TNS3: variants seen among roughly 807,000 people sequenced by gnomAD.
TNS3 encodes the protein tensin 3, also known as tensin-3.
In TNS3, 45 loss-of-function variants were observed where a neutral mutation model predicts 140.9. That is an observed-to-expected ratio of 0.32 (90% CI 0.25 to 0.41). The LOEUF (loss-of-function observed/expected upper bound fraction) is 0.41. TNS3 is among the 10% of genes least tolerant of loss of function. The pLI is 1.00. For synonymous variants in TNS3, 815 were observed against 788.4 expected (o/e 1.03, Z -0.56); for missense variants, 1,716 against 1,906.7 (o/e 0.90, Z 1.86).
chr7:47,396,522 C>T, intron 16 of TNS3: 2 of 453,306 alleles, frequency 4.4e-6, no homozygotes, highest in East Asian at 4.5e-5. Flanking sequence ...TACATACACA[C>T]AAGTTCAGGC....
chr7:47,539,526 C>T (rs529771887), intron 1 of TNS3: 1 of 246,724 alleles, frequency 4.1e-6, no homozygotes, highest in African/African-American at 2.2e-5. Flanking sequence ...GCAATCTAGG[C>T]TCTTACACTC....
intron 3 of TNS3, among the ~76,000 whole-genome samples, chr7:47,482,892 A>G (rs1258743247): frequency 2.0e-5 from 3 of 152,220 alleles, no homozygotes; most frequent in Non-Finnish European, 4.4e-5. Flanking sequence ...GGGACAGTGA[A>G]AAGGTCAGTG....
At position 47,305,714 on chromosome 7, in the gene TNS3, TTC is replaced by T. The variant is rs1400746458; in HGVS notation, c.2651-713_2651-712del. On this transcript the variant is annotated intron_variant, in intron 20 of 30. Transcript: ENST00000311160. Reference sequence around the variant, plus strand: ...CCCAGGCACATTCCTCTGACAGAATTTCTGTTTGGTTTCTTGCCCAGCAGCTG... The same window carrying T: ...CCCAGGCACATTCCTCTGACAGAATTTGTTTGGTTTCTTGCCCAGCAGCTG... Among the ~76,000 whole-genome samples, 9 of 152,250 alleles carry T rather than the reference TTC, an allele frequency of 5.9e-5. No individual in the cohort carries two copies. In the South Asian group the frequency reaches 1.0e-3, roughly 17 times the overall value.
At chr7:47,473,409 T>C (rs1797039691) in intron 4 of TNS3, among the ~76,000 whole-genome samples, 1 of 152,182 alleles carries the variant, frequency 6.6e-6, no homozygotes, top group South Asian at 2.1e-4. Flanking sequence ...TCTGGTCAAA[T>C]ATGTTTGCAT....
intron 10 of TNS3, among the ~76,000 whole-genome samples, chr7:47,417,451 C>G (rs1406354285): frequency 3.9e-5 from 6 of 152,210 alleles, no homozygotes; most frequent in Admixed American, 3.9e-4. Flanking sequence ...GGGCCACAAG[C>G]CCAGTAGTGG....
At chr7:47,472,894 T>A (rs376466752) in intron 4 of TNS3, among the ~76,000 whole-genome samples, 1 of 151,952 alleles carries the variant, frequency 6.6e-6, no homozygotes, top group South Asian at 2.1e-4. Flanking sequence ...GAGATGGGGG[T>A]GAGGGTCATC....
At chr7:47,467,951 G>A (rs1288099061) in intron 4 of TNS3, among the ~76,000 whole-genome samples, 2 of 151,984 alleles carry the variant, frequency 1.3e-5, no homozygotes, top group African/African-American at 4.8e-5. Flanking sequence ...AATACACTCA[G>A]GTAATATAAA....
Position 47,448,351 on chromosome 7 carries a change from G to T in TNS3, c.-75-6296C>A, listed in dbSNP as rs115566581. Among the ~76,000 whole-genome samples the T allele has an allele frequency of 8.6e-3, 1,306 of 152,358 alleles. 18 individuals carry two copies. Among genetic ancestry groups the T allele is most frequent in the African/African-American group, 0.03 (1,253 of 41,582 alleles). The stretch of plus-strand genomic sequence containing the variant: ...GAGACATGGGATCCTCCCCAGGTGG[G>T]GTGGGATCCCAGCTGGTTTGATGTT... On this transcript the variant is annotated intron_variant, in intron 4 of 30. Coordinates refer to ENST00000311160, the MANE Select transcript of TNS3 (RefSeq NM_022748.12).
chr7:47,346,985 T>C (rs1466360342), intron 17 of TNS3, among the ~76,000 whole-genome samples: 1 of 152,204 alleles, frequency 6.6e-6, no homozygotes. Context: ...CTGTTCTTTT[T>C]GTGTTGGTGA....
At chr7:47,522,203 A>C (rs1372449488) in intron 2 of TNS3, among the ~76,000 whole-genome samples, 1 of 152,236 alleles carries the variant, frequency 6.6e-6, no homozygotes, top group Non-Finnish European at 1.5e-5. Context: ...TGTTGCTTGC[A>C]TTAAGTTAGA....
chr7:47,479,372 C>T lies in TNS3; in HGVS notation c.-76+1731G>A, dbSNP rs560643434. The stretch of plus-strand genomic sequence containing the variant: ...CACAGCTCTGGGGCCACCTGGGCCT[C>T]AGCCCCTGGCTCCCGGGGCCTATGA... On this transcript the variant is annotated intron_variant, in intron 4 of 30. Transcript: ENST00000311160. 1.5e-3 allele frequency among the ~76,000 whole-genome samples: 229 copies of T among 152,290 alleles called. 2 individuals carry two copies. Among genetic ancestry groups the T allele is most frequent in the African/African-American group, 5.3e-3 (222 of 41,542 alleles).
intron 22 of TNS3, 117 bp from the exon 23 acceptor site, chr7:47,302,389 G>A (rs1786458618): frequency 2.5e-6 from 2 of 798,488 alleles, no homozygotes; most frequent in African/African-American, 1.7e-5. Context: ...AGCGAGCGAT[G>A]TTCTAAGGAA....
At chr7:47,376,360 G>T (rs1435042194) in intron 16 of TNS3, among the ~76,000 whole-genome samples, 2 of 152,226 alleles carry the variant, frequency 1.3e-5, no homozygotes, top group African/African-American at 4.8e-5. Flanking sequence ...GAGGCTGCAG[G>T]AATTGGCATC....
intron 1 of TNS3, among the ~76,000 whole-genome samples, chr7:47,577,870 G>A (rs1800710838): frequency 6.6e-6 from 1 of 152,124 alleles, no homozygotes; most frequent in East Asian, 1.9e-4. Flanking sequence ...TCCCCTGAGG[G>A]GTGGCTCTGA....
intron 20 of TNS3, among the ~76,000 whole-genome samples, chr7:47,324,532 G>A (rs891359907): frequency 5.9e-5 from 9 of 152,266 alleles, no homozygotes; most frequent in East Asian, 3.9e-4. Flanking sequence ...CAGGCAGACC[G>A]CTTGAGGTCA....
Position 47,314,226 on chromosome 7 carries a change from A to G in TNS3, c.2651-9223T>C, listed in dbSNP as rs548061920. 2.7e-3 allele frequency among the ~76,000 whole-genome samples: 417 copies of G among 152,352 alleles called. 3 individuals are homozygous for G. The highest frequency in any genetic ancestry group is 0.018 in the South Asian group (86 of 4,826). ...ACTTCCAGTGACTGGGACTGCAGAC[A>G]GCAAGGAGGATGCTGACAGCAGCTA... On this transcript the variant is annotated intron_variant, in intron 20 of 30. Transcript: ENST00000311160.
intron 3 of TNS3, among the ~76,000 whole-genome samples, chr7:47,491,476 T>C (rs1399171807): frequency 2.6e-5 from 4 of 152,048 alleles, no homozygotes; most frequent in Non-Finnish European, 5.9e-5. Context: ...CTCAAGCTCA[T>C]AGGAAAGTCT....
rs545859184 is a variant in TNS3 at position 47,481,186 on chromosome 7, A to G, written c.-114-45T>C. ...CAGATAAGCAAATGGATTCTCCAGGAAAAAATTAGCATAATAATCAAGCCA... is the reference window on the plus strand; with the variant it reads ...CAGATAAGCAAATGGATTCTCCAGGGAAAAATTAGCATAATAATCAAGCCA... On this transcript the variant is annotated intron_variant, in intron 3 of 30. Transcript: ENST00000311160. 7 of 1,279,198 alleles carry G rather than the reference A, an allele frequency of 5.5e-6. No individual in the cohort carries two copies. In the Admixed American group the frequency reaches 1.6e-4, roughly 29 times the overall value. The allele number at this position is 1,279,198 out of a possible 1,614,324, so 79.2% of individuals were successfully genotyped here.
At chr7:47,327,764 A>T (rs1562597237) in intron 20 of TNS3, among the ~76,000 whole-genome samples, 2 of 152,294 alleles carry the variant, frequency 1.3e-5, no homozygotes, top group South Asian at 2.1e-4. Flanking sequence ...GGACTCTTGG[A>T]ACAATCAGCC....
Sources: gnomAD v4.1 joint callset for allele counts (sites outside exome capture counted in the v4.1 genomes callset) on GRCh38, gnomAD v4.1.1 for gene constraint, MANE v1.5 for transcripts, NCBI Gene and HGNC (gene_info 2026-07-23, HGNC 2026-07-21) for gene names.